Variants in MAP7 observed in about 807,000 individuals in gnomAD.
MAP7 encodes ensconsin.
In MAP7, 52 loss-of-function variants were observed where a neutral mutation model predicts 94.8. That is an observed-to-expected ratio of 0.55 (90% CI 0.44 to 0.69). The LOEUF (loss-of-function observed/expected upper bound fraction) is 0.69, where lower values mean the gene tolerates loss of function less well. MAP7 is among the 30% of genes least tolerant of loss of function. MAP7 has a pLI of 0.00. For missense variants in MAP7, 940 were observed against 964.6 expected (o/e 0.97, Z 0.34); for synonymous variants, 350 against 357.0 (o/e 0.98, Z 0.22).
At chr6:136,481,750 C>T (rs981130180) in intron 1 of MAP7, among the ~76,000 whole-genome samples, 1 of 152,078 alleles carries the variant, frequency 6.6e-6, no homozygotes, top group African/African-American at 2.4e-5. Flanking sequence ...TTAAAAATAA[C>T]TAAAAGAGTA....
At chr6:136,474,641 G>A (rs1810240649) in intron 1 of MAP7, among the ~76,000 whole-genome samples, 1 of 152,002 alleles carries the variant, frequency 6.6e-6, no homozygotes. Context: ...GATAGACAAA[G>A]ATGTAATCAC....
At chr6:136,456,822 G>GGAAGATGAAGAAGAA (rs1803286218) in intron 1 of MAP7, among the ~76,000 whole-genome samples, 3 of 69,024 alleles carry the variant, frequency 4.3e-5, no homozygotes, top group African/African-American at 1.3e-4. Flanking sequence ...AGAAGAAGAA[G>GGAAGATGAAGAAGAA]GAAGAAGAAG....
intron 1 of MAP7, among the ~76,000 whole-genome samples, chr6:136,452,740 A>G (rs1313295046): frequency 6.6e-6 from 1 of 152,118 alleles, no homozygotes; most frequent in African/African-American, 2.4e-5. Flanking sequence ...TTTAGTAGAG[A>G]TAGGGTTTCA....
rs544979293 is a variant in MAP7, at chr6:136,525,691, C to T, written c.67+24651G>A. 9.7e-6 allele frequency: 8 copies of T among 822,848 alleles called. No homozygotes were observed. The South Asian group carries it at 1.2e-4, about 13-fold the overall frequency. The allele number at this position is 822,848 out of a possible 1,614,324, so 51.0% of individuals were successfully genotyped here. On this transcript the variant is annotated intron_variant, in intron 1 of 17. Coordinates refer to ENST00000354570, the MANE Select transcript of MAP7 (RefSeq NM_003980.6). ...TACACAACCCTACAGAGGGTATAAA[C>T]ACTACCAGCAAACCGTGCTAGGAGG...
At chr6:136,432,192 C>T (rs773308902) in intron 1 of MAP7, among the ~76,000 whole-genome samples, 7 of 152,060 alleles carry the variant, frequency 4.6e-5, no homozygotes, top group South Asian at 4.2e-4. Flanking sequence ...ATTCTGTACT[C>T]ATAAATTAAA....
rs116298404 is a variant in MAP7 at position 136,486,909 on chromosome 6, T to C, written c.67+63433A>G. Among the ~76,000 whole-genome samples, 1,275 of 152,308 alleles carry C rather than the reference T, an allele frequency of 8.4e-3. 20 individuals are homozygous for C. The highest frequency in any genetic ancestry group is 0.028 in the African/African-American group (1,175 of 41,560). ...TATAACACATTTGACAAAAGGTAAG[T>C]AAACTTTATTTATAAAAGGTTAAAC... On this transcript the variant is annotated intron_variant, in intron 1 of 17. Transcript: ENST00000354570.
Position 136,362,718 on chromosome 6 carries a change from C to A in MAP7, c.1274-16G>T. 1 of 1,545,744 alleles carries A rather than the reference C, an allele frequency of 6.5e-7. No homozygotes were observed. Among genetic ancestry groups the A allele is most frequent in the Non-Finnish European group, 8.7e-7 (1 of 1,153,584 alleles). On this transcript the variant is annotated splice_polypyrimidine_tract_variant and intron_variant, in intron 10 of 17. Coordinates refer to ENST00000354570, the MANE Select transcript of MAP7 (RefSeq NM_003980.6). ...GCTGGAGCAGCTGCACAAATAGGTA[C>A]AAGGAGAAAACCAGTTGGAAACAAA... is the stretch of plus-strand genomic sequence containing the variant.
At chr6:136,373,703 G>C (rs1308902415) in intron 7 of MAP7, among the ~76,000 whole-genome samples, 1 of 152,194 alleles carries the variant, frequency 6.6e-6, no homozygotes, top group African/African-American at 2.4e-5. Context: ...ATTTGGACAT[G>C]GTTATAAAAG....
intron 15 of MAP7, 36 bp downstream of exon 15, chr6:136,359,784 A>G: frequency 1.9e-6 from 3 of 1,581,656 alleles, no homozygotes; most frequent in Non-Finnish European, 2.6e-6. Flanking sequence ...TAAACATTTT[A>G]TATATAAATT....
Position 136,350,363 on chromosome 6 carries a change from C to A in MAP7, c.2016-4284G>T, listed in dbSNP as rs193052791. Reference sequence around the variant, plus strand: ...TAAAAATAATGCACTGAGATGAAAACCAAAGATTTTATAAGCATTTTAAGG... The same window carrying A: ...TAAAAATAATGCACTGAGATGAAAAACAAAGATTTTATAAGCATTTTAAGG... On this transcript the variant is annotated intron_variant, in intron 16 of 17. Coordinates refer to ENST00000354570, the MANE Select transcript of MAP7 (RefSeq NM_003980.6). Among the ~76,000 whole-genome samples the A allele has an allele frequency of 4.6e-5, 7 of 152,128 alleles. No homozygotes were observed. In the East Asian group the frequency reaches 1.4e-3, roughly 29 times the overall value.
In MAP7 at chr6:136,360,148, A is replaced by G. The variant is rs555393399; in HGVS notation, c.1804-117T>C. 9.8e-6 allele frequency: 8 copies of G among 812,720 alleles called. No individual in the cohort carries two copies. In the African/African-American group the frequency reaches 1.2e-4, roughly 13 times the overall value. 50.3% of individuals were successfully genotyped at this position (812,720 alleles called of 1,614,324 possible). A position where few individuals can be genotyped will look rare whatever the true frequency, so the allele number is the denominator to read the frequency against. ...GTCTGTTATTTTGGAAAAATACAAT[A>G]TGCACTTTTTTTTTTTTTTTTGAGA... On this transcript the variant is annotated intron_variant, in intron 13 of 17. Transcript: ENST00000354570.
At chr6:136,420,311 G>A (rs758345246) in intron 2 of MAP7, 4 of 753,810 alleles carry the variant, frequency 5.3e-6, no homozygotes, top group East Asian at 2.5e-5. Context: ...GCTGCCTGAC[G>A]TGACCAACAC....
intron 1 of MAP7, among the ~76,000 whole-genome samples, chr6:136,516,418 A>G (rs1180541761): frequency 1.3e-5 from 2 of 152,136 alleles, no homozygotes; most frequent in Non-Finnish European, 2.9e-5. Flanking sequence ...TTGGCCTCCC[A>G]AAGCACTGGG....
At chr6:136,395,660 T>TG (rs1400186851) in intron 3 of MAP7, among the ~76,000 whole-genome samples, 1 of 152,146 alleles carries the variant, frequency 6.6e-6, no homozygotes, top group Admixed American at 6.6e-5. Context: ...ATTTCCCCAA[T>TG]GCTTTCTTCT....
intron 1 of MAP7, among the ~76,000 whole-genome samples, chr6:136,444,818 T>A (rs557400206): frequency 5.9e-5 from 9 of 152,340 alleles, no homozygotes; most frequent in South Asian, 4.1e-4. Flanking sequence ...CAAGCTTTTT[T>A]AAAAATGTCC....
intron 1 of MAP7, among the ~76,000 whole-genome samples, chr6:136,481,598 TATC>T (rs1386275183): frequency 1.3e-5 from 2 of 152,188 alleles, no homozygotes; most frequent in Non-Finnish European, 2.9e-5. Context: ...GGATGATGGT[TATC>T]AGCAGCTGGG....
intron 1 of MAP7, among the ~76,000 whole-genome samples, chr6:136,494,533 C>T (rs956392710): frequency 1.8e-4 from 28 of 152,048 alleles, no homozygotes; most frequent in African/African-American, 6.8e-4. Context: ...CTTAATGCAA[C>T]TGAACTATAC....
chr6:136,433,351 T>C (rs1003390719), intron 1 of MAP7, among the ~76,000 whole-genome samples: 2 of 152,228 alleles, frequency 1.3e-5, no homozygotes, highest in African/African-American at 4.8e-5. Context: ...TCTTCACTGA[T>C]GTGTGAGACC....
At position 136,389,530 on chromosome 6, in the gene MAP7, TTAAAAA is replaced by T; in HGVS notation, c.245-19_245-14del. Reference sequence around the variant, plus strand: ...ATTTCTCTTGCAGCTTTGGGGAGGGTTAAAAAAAAAAAAAAAGAGGGAAATCAAATA... The same window carrying T: ...ATTTCTCTTGCAGCTTTGGGGAGGGTAAAAAAAAAAGAGGGAAATCAAATA... On this transcript the variant is annotated splice_polypyrimidine_tract_variant and intron_variant, in intron 3 of 17. Transcript: ENST00000354570. 1 of 1,582,850 alleles carries T rather than the reference TTAAAAA, an allele frequency of 6.3e-7. No individual in the cohort carries two copies.
Sources: allele counts gnomAD v4.1 joint callset (sites outside exome capture counted in the v4.1 genomes callset), GRCh38; gene constraint gnomAD v4.1.1; transcripts MANE v1.5; gene names NCBI Gene and HGNC (gene_info 2026-07-23, HGNC 2026-07-21).